LINGO2: variants seen among roughly 807,000 people sequenced by gnomAD.
The protein encoded by LINGO2 is leucine rich repeat and Ig domain containing 2, also known as leucine-rich repeat and immunoglobulin-like domain-containing nogo receptor-interacting protein 2.
A neutral mutation model predicts 30.6 loss-of-function variants in LINGO2; 14 were observed. The observed-to-expected ratio is 0.46, with a 90% CI of 0.30 to 0.72. LINGO2 has a LOEUF of 0.72. Ranked by LOEUF, LINGO2 falls within the 30% of genes least tolerant of loss-of-function variation. The probability of loss-of-function intolerance (pLI) is 0.07; values close to 1 mark genes in which losing one functional copy is unlikely to be tolerated. For missense variants in LINGO2, 729 were observed against 751.7 expected (o/e 0.97, Z 0.35); for synonymous variants, 317 against 288.5 (o/e 1.10, Z -1.00).
chr9:28,732,896 G>T, the LINGO2 span, among the ~76,000 whole-genome samples: 1 of 152,104 alleles, frequency 6.6e-6, no homozygotes, highest in Non-Finnish European at 1.5e-5. Flanking sequence ...AAGAAATCCT[G>T]GCCTGATGCT....
intron 4 of LINGO2, among the ~76,000 whole-genome samples, chr9:28,229,276 A>T (rs555611006): frequency 6.6e-6 from 1 of 151,880 alleles, no homozygotes; most frequent in East Asian, 1.9e-4. Context: ...TGTTAAAGAG[A>T]TAACCTTCCA....
At chr9:29,131,282 G>A in the LINGO2 span, among the ~76,000 whole-genome samples, 291 of 152,092 alleles carry the variant, frequency 1.9e-3, 1 homozygote, top group African/African-American at 6.7e-3. Flanking sequence ...TGTGTATACC[G>A]GGACCATGCA....
Position 28,438,199 on chromosome 9 carries a change from G to A in LINGO2, c.-279+37741C>T, listed in dbSNP as rs139259331. 5.8e-4 allele frequency among the ~76,000 whole-genome samples: 88 copies of A among 152,242 alleles called. 1 individual carries two copies. In the East Asian group the frequency reaches 0.014, roughly 25 times the overall value. On this transcript the variant is annotated intron_variant, in intron 2 of 5. Coordinates refer to ENST00000379992, the Ensembl canonical transcript of LINGO2. Reference sequence around the variant, plus strand: ...CCAGGTGGGATGGTGAATTTTATGGGTCAATTTGAGTGAGCTAAAGGTTGC... The same window carrying A: ...CCAGGTGGGATGGTGAATTTTATGGATCAATTTGAGTGAGCTAAAGGTTGC...
chr9:28,614,835 T>A (rs1218558567), intron 1 of LINGO2, among the ~76,000 whole-genome samples: 2 of 152,058 alleles, frequency 1.3e-5, no homozygotes, highest in Non-Finnish European at 2.9e-5. Context: ...ACAGTCAGGG[T>A]TTTAACTCCT....
chr9:28,360,410 A>G (rs1183864517), intron 3 of LINGO2, among the ~76,000 whole-genome samples: 1 of 152,152 alleles, frequency 6.6e-6, no homozygotes, highest in Non-Finnish European at 1.5e-5. Context: ...GAAAAGTACT[A>G]TTTTCCCTTA....
At chr9:29,004,961 C>T in the LINGO2 span, among the ~76,000 whole-genome samples, 1 of 151,900 alleles carries the variant, frequency 6.6e-6, no homozygotes. Context: ...CTGTTGTAAA[C>T]ATTAAATGAG....
At chr9:28,725,259 AG>A in the LINGO2 span, among the ~76,000 whole-genome samples, 2 of 151,862 alleles carry the variant, frequency 1.3e-5, no homozygotes, top group Non-Finnish European at 2.9e-5. Flanking sequence ...AGAGATAAAA[AG>A]GGCTTATTAG....
intron 4 of LINGO2, among the ~76,000 whole-genome samples, chr9:28,023,237 T>G: frequency 6.6e-6 from 1 of 152,188 alleles, no homozygotes; most frequent in East Asian, 1.9e-4. Flanking sequence ...TGTTCAAAGT[T>G]GGACATGATG....
At chr9:28,771,717 A>T in the LINGO2 span, among the ~76,000 whole-genome samples, 1 of 152,150 alleles carries the variant, frequency 6.6e-6, no homozygotes, top group African/African-American at 2.4e-5. Flanking sequence ...TAAAGTGATG[A>T]GCAGCATATA....
At chr9:28,343,921 G>A (rs1164329829) in intron 3 of LINGO2, among the ~76,000 whole-genome samples, 1 of 152,070 alleles carries the variant, frequency 6.6e-6, no homozygotes, top group Non-Finnish European at 1.5e-5. Context: ...TAGGTGGCAG[G>A]GAGGAATAAT....
At chr9:27,969,441 A>G (rs1171357243) in intron 5 of LINGO2, among the ~76,000 whole-genome samples, 1 of 152,186 alleles carries the variant, frequency 6.6e-6, no homozygotes, top group African/African-American at 2.4e-5. Context: ...TTACAGGGCT[A>G]CTAAATATCT....
the LINGO2 span, among the ~76,000 whole-genome samples, chr9:28,868,439 G>A: frequency 2.0e-5 from 3 of 152,042 alleles, no homozygotes; most frequent in East Asian, 3.9e-4. Flanking sequence ...GTGGTTATGT[G>A]TGTATGTTTT....
intron 1 of LINGO2, among the ~76,000 whole-genome samples, chr9:28,663,245 G>A (rs13289490): frequency 0.094 from 14,255 of 151,882 alleles, 885 homozygotes; most frequent in East Asian, 0.2. Context: ...ATCTCGGCTC[G>A]CTGCAACCTC....
intron 1 of LINGO2, among the ~76,000 whole-genome samples, chr9:28,617,832 G>A (rs1826208249): frequency 6.6e-6 from 1 of 152,034 alleles, no homozygotes. Context: ...GGCTGGGCAA[G>A]ACTAAAATTC....
the LINGO2 span, among the ~76,000 whole-genome samples, chr9:29,172,342 A>C: frequency 1.2e-5 from 1 of 80,952 alleles, no homozygotes; most frequent in African/African-American, 5.6e-5. Flanking sequence ...TGAATTATCA[A>C]GATGACTCTC....
chr9:28,354,142 TAA>T (rs1820051691), intron 3 of LINGO2, among the ~76,000 whole-genome samples: 1 of 151,548 alleles, frequency 6.6e-6, no homozygotes, highest in African/African-American at 2.4e-5. Context: ...CCCTAAAACT[TAA>T]AGTTAATTAA....
intron 1 of LINGO2, among the ~76,000 whole-genome samples, chr9:28,494,411 CCT>C (rs1161652565): frequency 3.3e-5 from 5 of 152,230 alleles, no homozygotes; most frequent in African/African-American, 9.6e-5. Flanking sequence ...TGTTCCCCTT[CCT>C]GTGTCCAAGT....
chr9:28,079,250 A>G (rs1200962033), intron 4 of LINGO2, among the ~76,000 whole-genome samples: 2 of 152,202 alleles, frequency 1.3e-5, no homozygotes, highest in East Asian at 3.9e-4. Flanking sequence ...TGATTTACTG[A>G]GTAAAATTTA....
chr9:28,324,566 G>A (rs1825157867), intron 3 of LINGO2, among the ~76,000 whole-genome samples: 1 of 152,166 alleles, frequency 6.6e-6, no homozygotes, highest in African/African-American at 2.4e-5. Context: ...AGATGGCAAT[G>A]AAAGTAACCT....
Sources: gnomAD v4.1 joint callset for allele counts (sites outside exome capture counted in the v4.1 genomes callset) on GRCh38, gnomAD v4.1.1 for gene constraint, MANE v1.5 for transcripts, NCBI Gene and HGNC (gene_info 2026-07-23, HGNC 2026-07-21) for gene names.